The following TUB variants were observed in gnomAD, a reference collection of about 807,000 sequenced individuals.
TUB encodes tubby protein homolog.
Under a neutral mutation model 59.7 loss-of-function variants are expected in TUB, and 33 were observed. The observed-to-expected ratio is 0.55, with a 90% confidence interval of 0.42 to 0.74. The LOEUF is 0.74. Ranked by LOEUF, TUB falls within the 30% of genes least tolerant of loss-of-function variation. TUB has a pLI of 0.00. For synonymous variants in TUB, 293 were observed against 256.4 expected, an observed-to-expected ratio of 1.14 and a Z score of -1.36; for missense variants, 659 against 672.0, an observed-to-expected ratio of 0.98 and a Z score of 0.21.
chr11:8,100,378 A>G (rs1944220735), intron 9 of TUB, 125 bp from the exon 10 acceptor site: 1 of 737,342 alleles, frequency 1.4e-6, no homozygotes, highest in African/African-American at 1.7e-5. Flanking sequence ...GTTTAGAGGG[A>G]TGTGTGTTAG....
chr11:8,053,652 C>G (rs1942968033), intron 2 of TUB, among the ~76,000 whole-genome samples: 1 of 151,546 alleles, frequency 6.6e-6, no homozygotes, highest in Non-Finnish European at 1.5e-5. Flanking sequence ...CGGCGCCCGC[C>G]ACGACGCCCG....
chr11:8,069,406 G>A (rs955511841), intron 2 of TUB: 5 of 149,098 alleles, frequency 3.4e-5, no homozygotes, highest in African/African-American at 9.9e-5. Context: ...TTTCGGGGGG[G>A]GGGGGTAATT....
At chr11:8,082,088 A>T (rs1943579865) in intron 1 of TUB, among the ~76,000 whole-genome samples, 1 of 152,206 alleles carries the variant, frequency 6.6e-6, no homozygotes, top group East Asian at 1.9e-4. Flanking sequence ...ACAAAGACAC[A>T]TGCCTGCATA....
At chr11:8,087,233 G>A (rs1943685940) in intron 1 of TUB, among the ~76,000 whole-genome samples, 1 of 152,246 alleles carries the variant, frequency 6.6e-6, no homozygotes, top group Non-Finnish European at 1.5e-5. Context: ...GCTGATGTGA[G>A]TCTTACCTCT....
chr11:8,094,337 T>C, intron 4 of TUB, 148 bp downstream of exon 4: 1 of 1,099,276 alleles, frequency 9.1e-7, no homozygotes, highest in Non-Finnish European at 1.3e-6. Context: ...CCCCCTCAGG[T>C]GGCTCACAGG....
chr11:8,076,958 T>G (rs1943461013), upstream of TUB: 1 of 152,230 alleles, frequency 6.6e-6, no homozygotes, highest in Non-Finnish European at 1.5e-5. Context: ...GGTGCAATGG[T>G]CTTTGTATAT....
intron 2 of TUB, among the ~76,000 whole-genome samples, chr11:8,066,390 G>A (rs1254976786): frequency 6.6e-6 from 1 of 152,236 alleles, no homozygotes; most frequent in Non-Finnish European, 1.5e-5. Flanking sequence ...ACTCCGTGCA[G>A]TCCAGAGGGA....
At position 8,095,535 on chromosome 11, in the gene TUB, T is replaced by TGAGGCCC; in HGVS notation, c.436_442dup (p.Gln148ArgfsTer52). 2 of 1,612,996 alleles carry TGAGGCCC rather than the reference T, an allele frequency of 1.2e-6. No homozygotes were observed. The highest frequency in any genetic ancestry group is 1.7e-6 in the Non-Finnish European group (2 of 1,179,882). On this transcript the variant is annotated frameshift_variant, in exon 5 of 12. Transcript: ENST00000299506. LOFTEE classifies it high-confidence loss of function. ...CAGCAGCACTGGCAGAAGACAAGTC[T>TGAGGCCC]GAGGCCCAAGGCCCAGTGCAGATTC... is the stretch of plus-strand genomic sequence containing the variant.
intron 1 of TUB, among the ~76,000 whole-genome samples, chr11:8,022,516 C>T (rs114753683): frequency 0.02 from 3,003 of 152,276 alleles, 97 homozygotes; most frequent in African/African-American, 0.067. Context: ...AGCTGTTGTC[C>T]GCCTTGCTTC....
rs933530788 is a variant in TUB, at chr11:8,106,160, T to C, written c.*4541T>C. 1 of 152,250 alleles carries C rather than the reference T, an allele frequency of 6.6e-6. No homozygotes were observed. Among genetic ancestry groups the C allele is most frequent in the East Asian group, 1.9e-4 (1 of 5,202 alleles). 9.4% of individuals were successfully genotyped at this position (152,250 alleles called of 1,614,324 possible). Reference sequence around the variant, plus strand: ...CAATGACAAACTTGGTATTTTCCCATGTTGACATTATGTATGTTGTAGAAT... The same window carrying C: ...CAATGACAAACTTGGTATTTTCCCACGTTGACATTATGTATGTTGTAGAAT... On this transcript the variant is annotated 3_prime_UTR_variant, in exon 12 of 12. Coordinates refer to ENST00000299506, the MANE Select transcript of TUB (RefSeq NM_177972.3).
intron 9 of TUB, among the ~76,000 whole-genome samples, chr11:8,099,132 G>A (rs1006809194): frequency 6.6e-5 from 10 of 152,178 alleles, no homozygotes; most frequent in African/African-American, 1.9e-4. Flanking sequence ...TCCAGGCCAG[G>A]AGTCTCTTAG....
intron 9 of TUB, among the ~76,000 whole-genome samples, chr11:8,099,776 T>C (rs146222575): frequency 6.6e-6 from 1 of 152,036 alleles, no homozygotes; most frequent in African/African-American, 2.4e-5. Context: ...GTCACTGAGG[T>C]AGCTCTTGAG....
chr11:8,082,252 A>C (rs1943583651), intron 1 of TUB, among the ~76,000 whole-genome samples: 1 of 152,184 alleles, frequency 6.6e-6, no homozygotes. Flanking sequence ...AACTGCCCTC[A>C]CATGCAGAAA....
At chr11:8,100,213 A>G (rs950144141) in intron 9 of TUB, among the ~76,000 whole-genome samples, 3 of 152,152 alleles carry the variant, frequency 2.0e-5, no homozygotes, top group Admixed American at 6.5e-5. Context: ...GATGGATTAG[A>G]CGTAGGATGT....
rs867798403 is a variant in TUB at position 8,097,719 on chromosome 11, C to T, written c.891C>T (p.Phe297=). 6.2e-7 allele frequency: 1 copy of T among 1,612,798 alleles called. No homozygotes were observed. The highest frequency in any genetic ancestry group is 8.5e-7 in the Non-Finnish European group (1 of 1,179,208). The change falls in exon 8 of 12, where the codon TTC becomes TTT. Residue 297 remains phenylalanine, a synonymous_variant. Coordinates refer to ENST00000299506, the MANE Select transcript of TUB (RefSeq NM_177972.3). Reference sequence around the variant, plus strand: ...ACCTCATTCCACTCCCCAAGGTGTTCCTCCTGGCGGGAAGGAAGAGAAAGA... The same window carrying T: ...ACCTCATTCCACTCCCCAAGGTGTTTCTCCTGGCGGGAAGGAAGAGAAAGA... ...HLDREDGKKV[F]LLAGRKRKKS...
intron 1 of TUB, among the ~76,000 whole-genome samples, chr11:8,026,060 T>C (rs1942496194): frequency 6.6e-6 from 1 of 152,256 alleles, no homozygotes; most frequent in Admixed American, 6.5e-5. Context: ...CCTTGATGAC[T>C]AATGATGTCG....
At chr11:8,059,934 G>A (rs1462397716) in intron 2 of TUB, 1 of 152,668 alleles carries the variant, frequency 6.6e-6, no homozygotes, top group Non-Finnish European at 1.5e-5. Context: ...CAGGGGAGGG[G>A]ACCGATAGGA....
At chr11:8,074,739 C>CTTTTTT (rs1157516500) in intron 2 of TUB, among the ~76,000 whole-genome samples, 2 of 60,616 alleles carry the variant, frequency 3.3e-5, no homozygotes, top group African/African-American at 7.1e-5. Context: ...GACCTCGTGT[C>CTTTTTT]TTTTTTTTTT....
chr11:8,067,284 C>T (rs1246977983), intron 2 of TUB: 1 of 152,194 alleles, frequency 6.6e-6, no homozygotes, highest in Admixed American at 6.5e-5. Flanking sequence ...AGGAGAGCAC[C>T]CACAGGGAGT....
Sources: gnomAD v4.1 joint callset for allele counts (sites outside exome capture counted in the v4.1 genomes callset) on GRCh38, gnomAD v4.1.1 for gene constraint, MANE v1.5 for transcripts, NCBI Gene and HGNC (gene_info 2026-07-23, HGNC 2026-07-21) for gene names.